Variants in HERC6 observed in about 807,000 individuals in gnomAD.
The protein encoded by HERC6 is probable E3 ubiquitin-protein ligase HERC6.
In HERC6, 101 loss-of-function variants were observed where a neutral mutation model predicts 114.5. That is an observed-to-expected ratio of 0.88 (90% CI 0.75 to 1.04). The LOEUF is 1.04. Among genes scored for constraint, HERC6 ranks in the 50% least tolerant of loss-of-function variants. The probability of loss-of-function intolerance (pLI) is 0.00; values close to 1 mark genes in which losing one functional copy is unlikely to be tolerated. For synonymous variants in HERC6, 408 were observed against 436.2 expected, an observed-to-expected ratio of 0.94 and a Z score of 0.81; for missense variants, 1,133 against 1,230.9, an observed-to-expected ratio of 0.92 and a Z score of 1.19.
chr4:88,439,752 A>G (rs1739139703), intron 20 of HERC6, 122 bp from the exon 21 acceptor site: 4 of 914,826 alleles, frequency 4.4e-6, no homozygotes, highest in Non-Finnish European at 6.2e-6. Context: ...TTCTTGTGCT[A>G]TATAGAAGTA....
chr4:88,436,854 A>G, intron 18 of HERC6, 51 bp from the exon 19 acceptor site: 1 of 1,285,792 alleles, frequency 7.8e-7, no homozygotes, highest in Non-Finnish European at 1.1e-6. Context: ...ATTACTTGTG[A>G]AACTTTATAA....
intron 18 of HERC6, 33 bp downstream of exon 18, chr4:88,435,924 T>A (rs1340356724): frequency 6.7e-7 from 1 of 1,503,550 alleles, no homozygotes; most frequent in East Asian, 2.4e-5. Flanking sequence ...CAGGACCGTA[T>A]CTAGTAAGTC....
intron 6 of HERC6, among the ~76,000 whole-genome samples, chr4:88,396,346 C>T (rs1735228085): frequency 1.3e-5 from 2 of 152,260 alleles, no homozygotes; most frequent in South Asian, 4.1e-4. Flanking sequence ...TGGAAGTCTA[C>T]TGTGTATAGA....
intron 12 of HERC6, among the ~76,000 whole-genome samples, chr4:88,415,924 G>A (rs1176098590): frequency 6.6e-6 from 1 of 152,224 alleles, no homozygotes; most frequent in African/African-American, 2.4e-5. Context: ...CTGGACACAG[G>A]TGATGGCCTA....
At chr4:88,414,866 C>T (rs943763104) in intron 12 of HERC6, among the ~76,000 whole-genome samples, 6 of 152,120 alleles carry the variant, frequency 3.9e-5, no homozygotes, top group Admixed American at 6.6e-5. Context: ...TCATCTAGAA[C>T]GCCTAACTGT....
At chr4:88,400,369 T>G (rs1735467899) in intron 8 of HERC6, among the ~76,000 whole-genome samples, 1 of 151,338 alleles carries the variant, frequency 6.6e-6, no homozygotes, top group African/African-American at 2.4e-5. Flanking sequence ...GCCCAGCTGG[T>G]TTTTTTTTGT....
chr4:88,431,070 T>G (rs745485932), intron 16 of HERC6, 92 bp from the exon 17 acceptor site: 13 of 1,113,498 alleles, frequency 1.2e-5, no homozygotes, highest in Non-Finnish European at 1.7e-5. Context: ...TTCTAGAGAC[T>G]GCAAGAATGG....
Position 88,423,928 on chromosome 4 carries a change from CT to C in HERC6, c.1786del (p.Tyr596IlefsTer2). ...NINELSNLLN[F>X]YIDRGRQLFR... ...TAAATGAACTCTCCAACTTATTAAA[CT>C]TTTATATAGATAGAGGAAGACAGCT... On this transcript the variant is annotated frameshift_variant, in exon 14 of 23. Coordinates refer to ENST00000264346, the MANE Select transcript of HERC6 (RefSeq NM_017912.4). LOFTEE classifies it high-confidence loss of function. 1 of 1,569,168 alleles carries C rather than the reference CT, an allele frequency of 6.4e-7. No homozygotes were observed. The highest frequency in any genetic ancestry group is 8.6e-7 in the Non-Finnish European group (1 of 1,158,610).
chr4:88,429,749 A>G (rs1195075160), intron 16 of HERC6, among the ~76,000 whole-genome samples: 6 of 152,348 alleles, frequency 3.9e-5, no homozygotes, highest in East Asian at 3.9e-4. Flanking sequence ...TGTGACTCCA[A>G]TGGAAAACAA....
At chr4:88,404,027 C>G (rs1385525972) in intron 8 of HERC6, among the ~76,000 whole-genome samples, 6 of 152,036 alleles carry the variant, frequency 3.9e-5, no homozygotes, top group African/African-American at 1.4e-4. Context: ...CTCTCCGCCC[C>G]CAGCTTTAGG....
At chr4:88,380,977 G>GA (rs1162467098) in intron 1 of HERC6, among the ~76,000 whole-genome samples, 1 of 151,908 alleles carries the variant, frequency 6.6e-6, no homozygotes, top group Admixed American at 6.6e-5. Flanking sequence ...ATAATCTTAT[G>GA]AACATATTAC....
chr4:88,405,505 G>T, intron 9 of HERC6, 49 bp from the exon 10 acceptor site: 5 of 977,978 alleles, frequency 5.1e-6, no homozygotes, highest in Admixed American at 2.8e-5. Flanking sequence ...TTTTCAAAAG[G>T]CATGCTTTAT....
chr4:88,405,578 T>C lies in HERC6; in HGVS notation c.1239T>C (p.Ser413=). Residue 413 remains serine (S), a synonymous_variant, in exon 10 of 23, where the codon TCT becomes TCC. Coordinates refer to ENST00000264346, the MANE Select transcript of HERC6 (RefSeq NM_017912.4). ...AKSEIRMIFS[S]PACLTASFLK... Reference sequence around the variant, plus strand: ...GTGAAATTAGAATGATATTTTCATCTCCTGCTTGTCTGACTGCAAGTTTTT... The same window carrying C: ...GTGAAATTAGAATGATATTTTCATCCCCTGCTTGTCTGACTGCAAGTTTTT... 1 of 1,539,654 alleles carries C rather than the reference T, an allele frequency of 6.5e-7. No individual in the cohort carries two copies. The highest frequency in any genetic ancestry group is 8.8e-7 in the Non-Finnish European group (1 of 1,133,200).
At chr4:88,398,517 C>T (rs765001427) in intron 8 of HERC6, 50 of 203,202 alleles carry the variant, frequency 2.5e-4, no homozygotes, top group Non-Finnish European at 3.9e-4. Context: ...GCAGCTGTTT[C>T]CATCTTCAGG....
intron 20 of HERC6, among the ~76,000 whole-genome samples, chr4:88,438,351 A>T (rs1035179246): frequency 6.6e-6 from 1 of 152,152 alleles, no homozygotes; most frequent in Non-Finnish European, 1.5e-5. Context: ...GTAGTCAAAA[A>T]GACAGACAAA....
rs1739208666 is a variant in HERC6 at position 88,440,216 on chromosome 4, C to G, written c.2808C>G (p.His936Gln). The G allele has an allele frequency of 1.9e-6, 3 of 1,603,536 alleles. No individual in the cohort carries two copies. The highest frequency in any genetic ancestry group is 2.6e-6 in the Non-Finnish European group (3 of 1,173,610). ...PTIQLFWKAF[H>Q]KLTLDEKKKF... Reference sequence around the variant, plus strand: ...TACAGTTGTTTTGGAAGGCTTTCCACAAACTAACCTTGGATGAAAAGAAAA... The same window carrying G: ...TACAGTTGTTTTGGAAGGCTTTCCAGAAACTAACCTTGGATGAAAAGAAAA... The change falls in exon 22 of 23, where the codon CAC (histidine) becomes CAG (glutamine). Residue 936 changes from histidine (H) to glutamine (Q), a missense_variant. By Grantham distance (24) the His-to-Gln change is conservative (BLOSUM62 0). Coordinates refer to ENST00000264346, the MANE Select transcript of HERC6 (RefSeq NM_017912.4).
At chr4:88,409,241 G>A (rs531901061) in intron 11 of HERC6, among the ~76,000 whole-genome samples, 2 of 152,262 alleles carry the variant, frequency 1.3e-5, no homozygotes, top group African/African-American at 4.8e-5. Context: ...GAACAATTCA[G>A]TTTTGGGGAC....
At chr4:88,426,718 G>A (rs1241913061) in intron 15 of HERC6, among the ~76,000 whole-genome samples, 2 of 142,290 alleles carry the variant, frequency 1.4e-5, no homozygotes, top group Admixed American at 6.9e-5. Flanking sequence ...TCAGGTGATC[G>A]GCCCGCCTCA....
At position 88,435,856 on chromosome 4, in the gene HERC6, G is replaced by A; in HGVS notation, c.2382G>A (p.Leu794=). The change falls in exon 18 of 23, where the codon TTG becomes TTA. Residue 794 remains leucine, a synonymous_variant. Transcript: ENST00000264346. ...AACTTCTGGACCAAAAGCCATCATT[G>A]GAAGATTTAAAAGAACTCAGTCCTC... is the stretch of plus-strand genomic sequence containing the variant. ...YKKLLDQKPS[L]EDLKELSPRL... is the part of the protein sequence containing the mutation. The A allele has an allele frequency of 6.2e-7, 1 of 1,609,034 alleles. No individual in the cohort carries two copies. The highest frequency in any genetic ancestry group is 8.5e-7 in the Non-Finnish European group (1 of 1,177,838).
Sources: allele counts gnomAD v4.1 joint callset (sites outside exome capture counted in the v4.1 genomes callset), GRCh38; gene constraint gnomAD v4.1.1; transcripts MANE v1.5; gene names NCBI Gene and HGNC (gene_info 2026-07-23, HGNC 2026-07-21).